The following NRXN1 variants were observed in gnomAD, a reference collection of about 807,000 sequenced individuals.
NRXN1 encodes the protein neurexin-1.
A neutral mutation model predicts 150.9 loss-of-function variants in NRXN1; 39 were observed. That is an observed-to-expected ratio of 0.26 (90% confidence interval 0.20 to 0.34). The LOEUF (loss-of-function observed/expected upper bound fraction) is 0.34, where lower values mean the gene tolerates loss of function less well. Ranked by LOEUF, NRXN1 falls within the 10% of genes least tolerant of loss-of-function variation. The probability of loss-of-function intolerance (pLI) is 1.00; values close to 1 mark genes in which losing one functional copy is unlikely to be tolerated. For synonymous variants in NRXN1, 924 were observed against 757.0 expected (o/e 1.22, Z -3.62); for missense variants, 1,815 against 1,949.9 (o/e 0.93, Z 1.30).
At chr2:50,065,095 T>C (rs1695166234) in intron 19 of NRXN1, among the ~76,000 whole-genome samples, 1 of 152,130 alleles carries the variant, frequency 6.6e-6, no homozygotes, top group African/African-American at 2.4e-5. Context: ...GGTCTGTAGG[T>C]AAAGAAACTG....
chr2:50,318,655 C>A (rs900528312), intron 17 of NRXN1, among the ~76,000 whole-genome samples: 1 of 151,614 alleles, frequency 6.6e-6, no homozygotes, highest in African/African-American at 2.4e-5. Flanking sequence ...GTTTGACAGA[C>A]AAAAATGAAG....
At chr2:50,159,074 T>TTTGTTG (rs35066147) in intron 18 of NRXN1, among the ~76,000 whole-genome samples, 19 of 151,720 alleles carry the variant, frequency 1.3e-4, no homozygotes, top group African/African-American at 2.4e-4. Flanking sequence ...TGAAAGTCTC[T>TTTGTTG]TTGTTGTTGT....
chr2:50,430,821 C>T (rs1049834230), intron 17 of NRXN1, among the ~76,000 whole-genome samples: 3 of 152,152 alleles, frequency 2.0e-5, no homozygotes, highest in African/African-American at 4.8e-5. Context: ...CATTTGGACA[C>T]CTTTTGATTC....
chr2:50,702,276 C>A (rs1693846814), intron 5 of NRXN1, among the ~76,000 whole-genome samples: 1 of 151,814 alleles, frequency 6.6e-6, no homozygotes, highest in Non-Finnish European at 1.5e-5. Flanking sequence ...CATAGATGAG[C>A]ATCCTACAGG....
At chr2:50,882,288 C>T (rs772530834) in intron 5 of NRXN1, among the ~76,000 whole-genome samples, 3 of 151,812 alleles carry the variant, frequency 2.0e-5, no homozygotes, top group Non-Finnish European at 2.9e-5. Flanking sequence ...TTAAAACCAT[C>T]GTTACATTTG....
At chr2:50,107,773 C>T (rs1390001553) in intron 18 of NRXN1, among the ~76,000 whole-genome samples, 2 of 151,716 alleles carry the variant, frequency 1.3e-5, no homozygotes, top group African/African-American at 2.4e-5. Context: ...GATAGTAATA[C>T]TAATAAGTTC....
chr2:50,634,312 C>T (rs17040907), intron 5 of NRXN1, among the ~76,000 whole-genome samples: 18,663 of 152,106 alleles, frequency 0.12, 1,218 homozygotes, highest in East Asian at 0.18. Flanking sequence ...CATAGGAGTA[C>T]GGGCTATGAA....
At chr2:50,508,602 A>T (rs2092335338) in intron 12 of NRXN1, among the ~76,000 whole-genome samples, 1 of 151,988 alleles carries the variant, frequency 6.6e-6, no homozygotes, top group African/African-American at 2.4e-5. Flanking sequence ...CTTTTGAAGC[A>T]GCTTCACTTC....
chr2:50,146,108 T>C (rs971858028), intron 18 of NRXN1, among the ~76,000 whole-genome samples: 2 of 151,562 alleles, frequency 1.3e-5, no homozygotes, highest in Non-Finnish European at 3.0e-5. Flanking sequence ...TCTTTAAGTG[T>C]GTATGAGAGG....
At chr2:50,422,109 A>G (rs760205111) in intron 17 of NRXN1, among the ~76,000 whole-genome samples, 3 of 152,278 alleles carry the variant, frequency 2.0e-5, no homozygotes, top group Non-Finnish European at 4.4e-5. Flanking sequence ...AACAAGAAAT[A>G]TCATGTTAAA....
At chr2:50,521,451 C>G (rs536000049) in intron 12 of NRXN1, among the ~76,000 whole-genome samples, 4 of 151,914 alleles carry the variant, frequency 2.6e-5, no homozygotes, top group Non-Finnish European at 4.4e-5. Flanking sequence ...AGTAATTTAG[C>G]CTTTTAGTAT....
intron 17 of NRXN1, among the ~76,000 whole-genome samples, chr2:50,311,982 G>A (rs377383378): frequency 1.3e-5 from 2 of 152,196 alleles, no homozygotes; most frequent in East Asian, 1.9e-4. Flanking sequence ...GGGAATGAAT[G>A]GCAAAAATAA....
chr2:50,971,828 T>C (rs752616422), intron 2 of NRXN1, among the ~76,000 whole-genome samples: 1 of 152,192 alleles, frequency 6.6e-6, no homozygotes, highest in Admixed American at 6.6e-5. Context: ...CAAACACAGA[T>C]TTACGCATTT....
chr2:50,618,228 G>A (rs550114857), intron 8 of NRXN1, among the ~76,000 whole-genome samples: 1 of 152,210 alleles, frequency 6.6e-6, no homozygotes, highest in South Asian at 2.1e-4. Context: ...TGGAGTTTCA[G>A]AAATCTTCTA....
intron 18 of NRXN1, among the ~76,000 whole-genome samples, chr2:50,160,705 T>C (rs2059312772): frequency 2.0e-5 from 3 of 152,236 alleles, no homozygotes; most frequent in Non-Finnish European, 4.4e-5. Flanking sequence ...GTATTCTTAG[T>C]GGTGCTTGTC....
In NRXN1 at chr2:51,028,300, G is replaced by T. The variant is rs763074682; in HGVS notation, c.-27C>A. On this transcript the variant is annotated 5_prime_UTR_variant, in exon 2 of 23. Transcript: ENST00000401669. ...CTCGGGGCTGGGGTGCGGCGGGGGGGTGCCGGGGCCGACAGGGTCAAAATG... is the reference window on the plus strand; with the variant it reads ...CTCGGGGCTGGGGTGCGGCGGGGGGTTGCCGGGGCCGACAGGGTCAAAATG... 4 of 1,407,696 alleles carry T rather than the reference G, an allele frequency of 2.8e-6. No individual in the cohort carries two copies. Among genetic ancestry groups the T allele is most frequent in the Admixed American group, 2.9e-5 (1 of 34,258 alleles). The allele number at this position is 1,407,696 out of a possible 1,614,324, so 87.2% of individuals were successfully genotyped here. A position where few individuals can be genotyped will look rare whatever the true frequency, so the allele number is the denominator to read the frequency against.
chr2:50,662,428 T>A (rs1337264113), intron 5 of NRXN1, among the ~76,000 whole-genome samples: 1 of 152,022 alleles, frequency 6.6e-6, no homozygotes, highest in Non-Finnish European at 1.5e-5. Flanking sequence ...CAAAAACAAT[T>A]CCTACAAAAC....
At position 50,829,999 on chromosome 2, in the gene NRXN1, G is replaced by GAAAAAAAAAAAAAAAAAAA. The variant is rs572758147; in HGVS notation, c.832+91851_832+91869dup. 2.2e-4 allele frequency among the ~76,000 whole-genome samples: 13 copies of GAAAAAAAAAAAAAAAAAAA among 58,180 alleles called. 2 individuals are homozygous for GAAAAAAAAAAAAAAAAAAA. Among genetic ancestry groups the GAAAAAAAAAAAAAAAAAAA allele is most frequent in the African/African-American group, 3.1e-4 (3 of 9,526 alleles). The allele number at this position is 58,180 out of a possible 152,430, so 38.2% of individuals were successfully genotyped here. On this transcript the variant is annotated intron_variant, in intron 5 of 22. Transcript: ENST00000401669. ...GGAACCCAAAGAATACTGCCTGCTG[G>GAAAAAAAAAAAAAAAAAAA]AAAAAAAAAAAAAAAAAAAAAAAAA...
intron 2 of NRXN1, among the ~76,000 whole-genome samples, chr2:51,005,637 A>AAAGGAGAC (rs1322496942): frequency 6.6e-6 from 1 of 152,000 alleles, no homozygotes; most frequent in Admixed American, 6.6e-5. Flanking sequence ...GTCAATACAC[A>AAAGGAGAC]AAGGAGAAAG....
Sources: allele counts gnomAD v4.1 joint callset (sites outside exome capture counted in the v4.1 genomes callset), GRCh38; gene constraint gnomAD v4.1.1; transcripts MANE v1.5; gene names NCBI Gene and HGNC (gene_info 2026-07-23, HGNC 2026-07-21).